The following UBE2E2 variants were observed in gnomAD, a reference collection of about 807,000 sequenced individuals.
UBE2E2 encodes the protein ubiquitin conjugating enzyme E2 E2, also known as ubiquitin-conjugating enzyme E2 E2.
A neutral mutation model predicts 24.7 loss-of-function variants in UBE2E2; 6 were observed. The ratio of observed to expected loss-of-function variants is 0.24; its 90% confidence interval spans 0.13 to 0.48. UBE2E2 has a LOEUF of 0.48. UBE2E2 is among the 20% of genes least tolerant of loss of function. The pLI is 0.99. For synonymous variants in UBE2E2, 104 were observed against 83.6 expected (o/e 1.24, Z -1.33); for missense variants, 169 against 245.0 (o/e 0.69, Z 2.07).
At position 23,444,657 on chromosome 3, in the gene UBE2E2, A is replaced by G. The variant is rs567101656; in HGVS notation, c.228-54951A>G. 9.2e-5 allele frequency among the ~76,000 whole-genome samples: 14 copies of G among 152,322 alleles called. No homozygotes were observed. The East Asian group carries it at 1.9e-3, about 21-fold the overall frequency. ...CCATACCCTGGAGGGCAGTGCTCCAACACTGCAGGAAGTCATCTTCAAGAT... is the reference window on the plus strand; with the variant it reads ...CCATACCCTGGAGGGCAGTGCTCCAGCACTGCAGGAAGTCATCTTCAAGAT... On this transcript the variant is annotated intron_variant, in intron 3 of 5. Transcript: ENST00000396703.
At chr3:23,343,626 T>C (rs947647768) in intron 3 of UBE2E2, among the ~76,000 whole-genome samples, 6 of 152,212 alleles carry the variant, frequency 3.9e-5, no homozygotes, top group African/African-American at 9.6e-5. Context: ...AAGTAAACTT[T>C]TGTGAAGTAT....
chr3:23,384,011 T>C (rs2125353997), intron 3 of UBE2E2, among the ~76,000 whole-genome samples: 1 of 152,330 alleles, frequency 6.6e-6, no homozygotes, highest in African/African-American at 2.4e-5. Flanking sequence ...TGTTTTGTTT[T>C]GTATTTTTGG....
chr3:23,458,380 C>G (rs1180862170), intron 3 of UBE2E2, among the ~76,000 whole-genome samples: 2 of 75,006 alleles, frequency 2.7e-5, no homozygotes, highest in Admixed American at 1.1e-4. Context: ...AATCACTGAT[C>G]AGAGAGATCG....
At chr3:23,274,331 C>T (rs896978501) in intron 3 of UBE2E2, among the ~76,000 whole-genome samples, 1 of 151,964 alleles carries the variant, frequency 6.6e-6, no homozygotes, top group African/African-American at 2.4e-5. Context: ...CTTTCCCGAC[C>T]CCCTTCCTTT....
At chr3:23,365,897 A>G (rs1397764183) in intron 3 of UBE2E2, among the ~76,000 whole-genome samples, 1 of 152,220 alleles carries the variant, frequency 6.6e-6, no homozygotes, top group Non-Finnish European at 1.5e-5. Context: ...AAAGCACAAT[A>G]GTGGTACAAA....
At chr3:23,441,538 C>G (rs865793977) in intron 3 of UBE2E2, among the ~76,000 whole-genome samples, 1 of 95,794 alleles carries the variant, frequency 1.0e-5, no homozygotes, top group Non-Finnish European at 2.1e-5. Context: ...GACTCCGTCT[C>G]AAAAAAAAAA....
chr3:23,417,617 C>G (rs1320762763), intron 3 of UBE2E2, among the ~76,000 whole-genome samples: 2 of 152,310 alleles, frequency 1.3e-5, no homozygotes, highest in South Asian at 2.1e-4. Flanking sequence ...GCAGAGCCGG[C>G]AGGCAGGAAC....
At position 23,214,888 on chromosome 3, in the gene UBE2E2, C is replaced by A. The variant is rs919354604; in HGVS notation, c.177-2374C>A. Among the ~76,000 whole-genome samples, 3 of 152,028 alleles carry A rather than the reference C, an allele frequency of 2.0e-5. No individual in the cohort carries two copies. The East Asian group carries it at 5.8e-4, about 29-fold the overall frequency. ...GACTGTTTAGCTGTCTTTAGTCTTA[C>A]TCCTTCTGTTGGTTTTCTGTACAAC... On this transcript the variant is annotated intron_variant, in intron 2 of 5. Transcript: ENST00000396703.
chr3:23,397,821 A>T (rs1697115129), intron 3 of UBE2E2, among the ~76,000 whole-genome samples: 2 of 152,108 alleles, frequency 1.3e-5, no homozygotes, highest in South Asian at 4.1e-4. Flanking sequence ...ACTCCAGGAG[A>T]TGCCTGTTTC....
chr3:23,433,092 G>T (rs1698103182), intron 3 of UBE2E2, among the ~76,000 whole-genome samples: 1 of 151,708 alleles, frequency 6.6e-6, no homozygotes, highest in Non-Finnish European at 1.5e-5. Flanking sequence ...TTACTTTTTG[G>T]TGGAAAAGTG....
intron 3 of UBE2E2, among the ~76,000 whole-genome samples, chr3:23,242,482 TA>T (rs1398484539): frequency 6.7e-6 from 1 of 150,284 alleles, no homozygotes; most frequent in African/African-American, 2.5e-5. Flanking sequence ...AAATATGTTT[TA>T]AATTGTTTCT....
intron 5 of UBE2E2, among the ~76,000 whole-genome samples, chr3:23,533,209 A>G (rs377481730): frequency 6.6e-6 from 1 of 152,194 alleles, no homozygotes; most frequent in South Asian, 2.1e-4. Flanking sequence ...TAAACAAGGA[A>G]ATACACCTCC....
chr3:23,536,058 C>G (rs2125488745), intron 5 of UBE2E2, among the ~76,000 whole-genome samples: 1 of 152,260 alleles, frequency 6.6e-6, no homozygotes. Flanking sequence ...TTTGTAAGTA[C>G]TTTCTTCTGG....
chr3:23,440,870 T>C (rs1424184461), intron 3 of UBE2E2, among the ~76,000 whole-genome samples: 1 of 152,122 alleles, frequency 6.6e-6, no homozygotes, highest in Non-Finnish European at 1.5e-5. Flanking sequence ...CTGTAACTGG[T>C]TCTTGTTACG....
intron 3 of UBE2E2, among the ~76,000 whole-genome samples, chr3:23,291,273 A>G (rs933335678): frequency 1.3e-5 from 2 of 152,162 alleles, no homozygotes; most frequent in Non-Finnish European, 1.5e-5. Flanking sequence ...CAAACTCACA[A>G]ATTACTGGTT....
chr3:23,438,217 T>G (rs1004877442), intron 3 of UBE2E2, among the ~76,000 whole-genome samples: 2 of 152,002 alleles, frequency 1.3e-5, no homozygotes, highest in Non-Finnish European at 2.9e-5. Context: ...AGAGCAAAAG[T>G]AAAGGTGCAG....
intron 3 of UBE2E2, among the ~76,000 whole-genome samples, chr3:23,229,242 T>A (rs1158389647): frequency 2.0e-5 from 3 of 152,232 alleles, no homozygotes; most frequent in South Asian, 2.1e-4. Flanking sequence ...CATTATCTCG[T>A]GTAATCTTTA....
intron 3 of UBE2E2, among the ~76,000 whole-genome samples, chr3:23,405,712 CA>C (rs1697339647): frequency 1.3e-5 from 2 of 152,080 alleles, no homozygotes; most frequent in African/African-American, 2.4e-5. Context: ...AGTGAGATGG[CA>C]AGTTCATTTA....
chr3:23,298,652 T>G (rs1213364196), intron 3 of UBE2E2, among the ~76,000 whole-genome samples: 9 of 151,768 alleles, frequency 5.9e-5, no homozygotes, highest in Non-Finnish European at 1.0e-4. Context: ...TTGATCATGG[T>G]GGATAAGCTT....
Sources: gnomAD v4.1 joint callset for allele counts (sites outside exome capture counted in the v4.1 genomes callset) on GRCh38, gnomAD v4.1.1 for gene constraint, MANE v1.5 for transcripts, NCBI Gene and HGNC (gene_info 2026-07-23, HGNC 2026-07-21) for gene names.